Variants in PEX5L observed in about 807,000 individuals in gnomAD.
PEX5L encodes the protein PEX5-related protein.
PEX5L carries 30 observed loss-of-function variants against 84.0 expected under a neutral mutation model. The observed-to-expected ratio is 0.36, with a 90% confidence interval of 0.27 to 0.48. PEX5L has a LOEUF of 0.48. Among genes scored for constraint, PEX5L ranks in the 20% least tolerant of loss-of-function variants. The pLI is 0.99. For synonymous variants in PEX5L, 270 were observed against 283.1 expected (o/e 0.95, Z 0.46); for missense variants, 533 against 754.6 (o/e 0.71, Z 3.44).
chr3:179,983,092 A>C (rs1225950096), intron 1 of PEX5L, among the ~76,000 whole-genome samples: 2 of 152,060 alleles, frequency 1.3e-5, no homozygotes, highest in Non-Finnish European at 2.9e-5. Flanking sequence ...ATTACAAAAA[A>C]GTTGTATAAC....
At chr3:179,920,482 G>A (rs1768941262) in intron 2 of PEX5L, among the ~76,000 whole-genome samples, 1 of 152,174 alleles carries the variant, frequency 6.6e-6, no homozygotes, top group South Asian at 2.1e-4. Flanking sequence ...TTTATGTTAT[G>A]AAGTGGGAAA....
At position 180,036,772 on chromosome 3, in the gene PEX5L, G is replaced by C; in HGVS notation, c.-173C>G. ...GCCGGCGGCCACTCGGCAGCGCTGC[G>C]GGCTGCCGGGAACTGTTCTCCGCTC... On this transcript the variant is annotated 5_prime_UTR_variant, in exon 1 of 15. Transcript: ENST00000467460. The C allele has an allele frequency of 1.5e-6, 1 of 686,094 alleles. No homozygotes were observed. The highest frequency in any genetic ancestry group is 2.7e-6 in the Non-Finnish European group (1 of 376,868). 42.5% of individuals were successfully genotyped at this position (686,094 alleles called of 1,614,324 possible).
chr3:179,965,196 G>A (rs1387983126), intron 2 of PEX5L, among the ~76,000 whole-genome samples: 2 of 152,210 alleles, frequency 1.3e-5, no homozygotes, highest in Non-Finnish European at 2.9e-5. Context: ...GTAAACCAGT[G>A]GAAATAACCA....
chr3:179,905,268 ATC>A (rs1464186222), intron 2 of PEX5L, among the ~76,000 whole-genome samples: 1 of 143,388 alleles, frequency 7.0e-6, no homozygotes, highest in Non-Finnish European at 1.5e-5. Context: ...AGTTGAGTCA[ATC>A]TGTGTCCTTT....
chr3:179,915,484 A>G (rs1766718715), intron 2 of PEX5L, among the ~76,000 whole-genome samples: 1 of 152,206 alleles, frequency 6.6e-6, no homozygotes, highest in Admixed American at 6.5e-5. Context: ...AACACAAATT[A>G]CCTTAGTGAT....
intron 14 of PEX5L, among the ~76,000 whole-genome samples, chr3:179,802,550 A>AAG (rs1553813982): frequency 0.012 from 1,513 of 131,410 alleles, 26 homozygotes; most frequent in African/African-American, 0.038. Flanking sequence ...AAAAAAAAAA[A>AAG]AAAAGAAAAG....
rs575215793 is a variant in PEX5L at position 180,011,463 on chromosome 3, G to A, written c.21+25116C>T. Among the ~76,000 whole-genome samples, 4 of 152,258 alleles carry A rather than the reference G, an allele frequency of 2.6e-5. No individual in the cohort carries two copies. In the South Asian group the frequency reaches 6.2e-4, roughly 24 times the overall value. On this transcript the variant is annotated intron_variant, in intron 1 of 14. Coordinates refer to ENST00000467460, the MANE Select transcript of PEX5L (RefSeq NM_016559.3). ...CTCCAGAAAAGAAGACTGAGAAAAT[G>A]CATGTGACTTACGGTTACTAAGATA...
intron 7 of PEX5L, 53 bp downstream of exon 7, chr3:179,874,274 C>A: frequency 1.0e-6 from 1 of 1,001,704 alleles, no homozygotes; most frequent in Non-Finnish European, 1.6e-6. Flanking sequence ...AGCATTTATG[C>A]TATACACTAT....
At chr3:179,812,675 C>A (rs78881807) in intron 10 of PEX5L, among the ~76,000 whole-genome samples, 485 of 152,062 alleles carry the variant, frequency 3.2e-3, no homozygotes, top group Non-Finnish European at 5.1e-3. Flanking sequence ...TTTAACACAG[C>A]AAATTTTTCT....
chr3:179,840,156 G>GTT (rs201456388), intron 8 of PEX5L, among the ~76,000 whole-genome samples: 22,216 of 122,770 alleles, frequency 0.18, 2,499 homozygotes, highest in Non-Finnish European at 0.25. Context: ...TCGTCAAGTT[G>GTT]TTTTTTGTGT....
At chr3:179,919,692 CAAATTAAAAACAAGT>C (rs1768589260) in intron 2 of PEX5L, among the ~76,000 whole-genome samples, 1 of 152,104 alleles carries the variant, frequency 6.6e-6, no homozygotes, top group Non-Finnish European at 1.5e-5. Context: ...AAACCCAAAA[CAAATTAAAAACAAGT>C]AACTGTTTTT....
At chr3:179,811,213 ATGTATGTGTGTGTGTG>A (rs1463795510) in intron 11 of PEX5L, among the ~76,000 whole-genome samples, 4 of 60,034 alleles carry the variant, frequency 6.7e-5, no homozygotes, top group African/African-American at 3.2e-4. Flanking sequence ...AACATATGGA[ATGTATGTGTGTGTGTG>A]TGTGTGTGTG....
Position 179,820,007 on chromosome 3 carries a change from A to C in PEX5L, c.823-31T>G, listed in dbSNP as rs6767490. The C allele has an allele frequency of 1.9e-3, 3,133 of 1,613,130 alleles. 52 individuals are homozygous for C. In the African/African-American group the frequency reaches 0.037, roughly 19 times the overall value. ...AGACAGGAAAAATGAATGGAGATGG[A>C]TTTAAGAACATGCCACATCATCTGT... On this transcript the variant is annotated intron_variant, in intron 8 of 14. Transcript: ENST00000467460.
At chr3:179,899,182 T>TA (rs1252526822) in intron 2 of PEX5L, among the ~76,000 whole-genome samples, 1 of 152,148 alleles carries the variant, frequency 6.6e-6, no homozygotes, top group East Asian at 1.9e-4. Context: ...CTAGATATGG[T>TA]ATAATGGGAA....
intron 2 of PEX5L, among the ~76,000 whole-genome samples, chr3:179,965,942 G>A (rs1783218006): frequency 6.6e-6 from 1 of 152,036 alleles, no homozygotes; most frequent in Admixed American, 6.6e-5. Context: ...TCCCCCTTCT[G>A]TGTACAATAT....
At chr3:179,814,775 T>G (rs1725394504) in intron 10 of PEX5L, among the ~76,000 whole-genome samples, 1 of 152,166 alleles carries the variant, frequency 6.6e-6, no homozygotes, top group Non-Finnish European at 1.5e-5. Flanking sequence ...TCTGTTGGTA[T>G]GTCTCTCCTG....
At chr3:179,987,133 G>GA (rs372139561) in intron 1 of PEX5L, among the ~76,000 whole-genome samples, 85 of 151,208 alleles carry the variant, frequency 5.6e-4, no homozygotes, top group Admixed American at 1.3e-3. Flanking sequence ...CAGTTGTTAA[G>GA]AAAAAAAAAT....
At chr3:179,807,366 G>T (rs543854144) in intron 14 of PEX5L, among the ~76,000 whole-genome samples, 2 of 152,278 alleles carry the variant, frequency 1.3e-5, no homozygotes, top group Middle Eastern at 3.4e-3. Context: ...GCCCTTGGGG[G>T]TGTTGAAAAT....
At chr3:179,842,818 A>C (rs2108341981) in intron 8 of PEX5L, among the ~76,000 whole-genome samples, 1 of 152,250 alleles carries the variant, frequency 6.6e-6, no homozygotes, top group South Asian at 2.1e-4. Flanking sequence ...AAATTGGAAA[A>C]CATACTCTGG....
Sources: allele counts gnomAD v4.1 joint callset (sites outside exome capture counted in the v4.1 genomes callset), GRCh38; gene constraint gnomAD v4.1.1; transcripts MANE v1.5; gene names NCBI Gene and HGNC (gene_info 2026-07-23, HGNC 2026-07-21).